Variants in CYP19A1 observed in about 807,000 individuals in gnomAD.
CYP19A1 encodes cytochrome P450 family 19 subfamily A member 1, also known as aromatase.
A neutral mutation model predicts 44.4 loss-of-function variants in CYP19A1; 32 were observed. That is an observed-to-expected ratio of 0.72 (90% CI 0.54 to 0.97). CYP19A1 has a LOEUF of 0.97. Ranked by LOEUF, CYP19A1 falls within the 50% of genes least tolerant of loss-of-function variation. CYP19A1 has a pLI of 0.00. For synonymous variants in CYP19A1, 212 were observed against 215.6 expected, an observed-to-expected ratio of 0.98 and a Z score of 0.14; for missense variants, 598 against 637.8, an observed-to-expected ratio of 0.94 and a Z score of 0.67.
At chr15:51,335,497 A>G (rs1440468571) in intron 1 of CYP19A1, among the ~76,000 whole-genome samples, 5 of 152,200 alleles carry the variant, frequency 3.3e-5, no homozygotes, top group Admixed American at 2.0e-4. Flanking sequence ...AACCCCTACT[A>G]GTATCAAGAT....
At chr15:51,231,698 G>A (rs2033049531) in intron 3 of CYP19A1, among the ~76,000 whole-genome samples, 1 of 151,768 alleles carries the variant, frequency 6.6e-6, no homozygotes, top group African/African-American at 2.4e-5. Flanking sequence ...ATTCAAGTGG[G>A]CCCTTAGTGT....
chr15:51,212,845 A>G (rs2031161627), intron 8 of CYP19A1, among the ~76,000 whole-genome samples: 2 of 152,228 alleles, frequency 1.3e-5, no homozygotes, highest in African/African-American at 4.8e-5. Flanking sequence ...ACATTCCCAC[A>G]TAGCAATAAT....
intron 1 of CYP19A1, among the ~76,000 whole-genome samples, chr15:51,327,496 T>A (rs2036629638): frequency 6.6e-6 from 1 of 152,128 alleles, no homozygotes; most frequent in South Asian, 2.1e-4. Context: ...ATTGTTCTTT[T>A]TTTTTTTTTT....
intron 1 of CYP19A1, among the ~76,000 whole-genome samples, chr15:51,304,952 T>A (rs1169087834): frequency 3.6e-5 from 5 of 139,834 alleles, no homozygotes; most frequent in Non-Finnish European, 4.5e-5. Context: ...CAGGCTGGAG[T>A]GCAGTGGCAC....
At position 51,210,184 on chromosome 15, in the gene CYP19A1, A is replaced by G. The variant is rs2141027622; in HGVS notation, c.*624T>C. 3 of 359,640 alleles carry G rather than the reference A, an allele frequency of 8.3e-6. No individual in the cohort carries two copies. In the East Asian group the frequency reaches 2.2e-4, roughly 27 times the overall value. The allele number at this position is 359,640 out of a possible 1,614,324, so 22.3% of individuals were successfully genotyped here. The stretch of plus-strand genomic sequence containing the variant: ...GAGGCATAAATCGACAGACTGGGAA[A>G]GAATTTCCTCTGATTAAACTTTTGC... On this transcript the variant is annotated 3_prime_UTR_variant, in exon 10 of 10. Transcript: ENST00000396402.
At chr15:51,222,688 T>C (rs2032219091) in intron 4 of CYP19A1, among the ~76,000 whole-genome samples, 163 bp from the exon 5 acceptor site, 1 of 152,254 alleles carries the variant, frequency 6.6e-6, no homozygotes, top group Non-Finnish European at 1.5e-5. Context: ...TGTGGTCTCC[T>C]AATTTTACAT....
chr15:51,333,428 T>A (rs960804067), intron 1 of CYP19A1, among the ~76,000 whole-genome samples: 34 of 152,216 alleles, frequency 2.2e-4, no homozygotes, highest in Non-Finnish European at 4.4e-4. Context: ...TCTGCCAGGA[T>A]ACTCACTGAT....
chr15:51,221,289 A>G (rs2032056578), intron 5 of CYP19A1: 1 of 152,196 alleles, frequency 6.6e-6, no homozygotes, highest in East Asian at 1.9e-4. Flanking sequence ...ATGTATTACT[A>G]CCTTATGCAC....
intron 1 of CYP19A1, among the ~76,000 whole-genome samples, chr15:51,284,322 A>G (rs2035627055): frequency 1.3e-5 from 2 of 152,214 alleles, no homozygotes; most frequent in African/African-American, 2.4e-5. Context: ...TGATGTCTCT[A>G]TTATTGCTCT....
chr15:51,235,255 G>T (rs894843775), intron 3 of CYP19A1, among the ~76,000 whole-genome samples: 3 of 152,170 alleles, frequency 2.0e-5, no homozygotes. Context: ...CTAGTTCTTA[G>T]AGCAGTGGTT....
chr15:51,297,108 T>C (rs983190147), intron 1 of CYP19A1, among the ~76,000 whole-genome samples: 5 of 152,192 alleles, frequency 3.3e-5, no homozygotes, highest in African/African-American at 9.7e-5. Context: ...ATGAACAGGT[T>C]TGAGGTGGGA....
Position 51,210,494 on chromosome 15 carries a change from T to G in CYP19A1, c.*314A>C. The G allele has an allele frequency of 1.8e-6, 1 of 549,670 alleles. No individual in the cohort carries two copies. The highest frequency in any genetic ancestry group is 3.5e-6 in the Non-Finnish European group (1 of 286,690). The allele number at this position is 549,670 out of a possible 1,614,324, so 34.0% of individuals were successfully genotyped here. ...CTCTACTGGGGAACCAGACATACAT[T>G]TTGTTAATGAAGGCCTATCCTTCTC... is the stretch of plus-strand genomic sequence containing the variant. On this transcript the variant is annotated 3_prime_UTR_variant, in exon 10 of 10. Coordinates refer to ENST00000396402, the MANE Select transcript of CYP19A1 (RefSeq NM_000103.4).
At chr15:51,325,427 A>G (rs943220973) in intron 1 of CYP19A1, among the ~76,000 whole-genome samples, 1 of 152,196 alleles carries the variant, frequency 6.6e-6, no homozygotes, top group Admixed American at 6.5e-5. Context: ...TTGGGCTAGC[A>G]GAGTATGACA....
intron 1 of CYP19A1, among the ~76,000 whole-genome samples, chr15:51,294,732 G>A (rs966095458): frequency 2.0e-5 from 3 of 150,902 alleles, no homozygotes; most frequent in East Asian, 2.0e-4. Context: ...GCCGCCCCCC[G>A]GGAGGGAGGT....
At chr15:51,278,143 T>C (rs2035390874) in intron 1 of CYP19A1, 1 of 152,098 alleles carries the variant, frequency 6.6e-6, no homozygotes, top group Non-Finnish European at 1.5e-5. Flanking sequence ...AGGTGCTTCT[T>C]GTTGCTAAGA....
At chr15:51,238,520 G>A (rs540679838) in intron 2 of CYP19A1, among the ~76,000 whole-genome samples, 5 of 152,086 alleles carry the variant, frequency 3.3e-5, no homozygotes, top group Admixed American at 6.5e-5. Context: ...ACAGAGTCTC[G>A]CTCTGTTGCC....
intron 3 of CYP19A1, 28 bp downstream of exon 3, chr15:51,236,831 G>T (rs1207955399): frequency 1.2e-6 from 2 of 1,613,568 alleles, no homozygotes; most frequent in Non-Finnish European, 1.7e-6. Flanking sequence ...GATTTAAAAA[G>T]TATGTCTTCG....
chr15:51,211,480 T>G (rs2899470), intron 9 of CYP19A1, among the ~76,000 whole-genome samples: 89,390 of 152,120 alleles, frequency 0.59, 26,696 homozygotes, highest in East Asian at 0.68. Context: ...GTGCCAAGCA[T>G]CTAACTATTT....
chr15:51,300,580 C>T (rs569102442), intron 1 of CYP19A1, among the ~76,000 whole-genome samples: 14 of 152,276 alleles, frequency 9.2e-5, no homozygotes, highest in African/African-American at 2.9e-4. Flanking sequence ...CTGCTCCTCC[C>T]ACCACGCCTG....
Sources: allele counts gnomAD v4.1 joint callset (sites outside exome capture counted in the v4.1 genomes callset), GRCh38; gene constraint gnomAD v4.1.1; transcripts MANE v1.5; gene names NCBI Gene and HGNC (gene_info 2026-07-23, HGNC 2026-07-21).